The following PHF10 variants were observed in gnomAD, a reference collection of about 807,000 sequenced individuals.
PHF10 encodes PHD finger protein 10.
A neutral mutation model predicts 68.5 loss-of-function variants in PHF10; 51 were observed. That is an observed-to-expected ratio of 0.74 (90% CI 0.59 to 0.94). The LOEUF is 0.94. Ranked by LOEUF, PHF10 falls within the 40% of genes least tolerant of loss-of-function variation. The probability of loss-of-function intolerance (pLI) is 0.00; values close to 1 mark genes in which losing one functional copy is unlikely to be tolerated. For missense variants in PHF10, 460 were observed against 602.6 expected (o/e 0.76, Z 2.48); for synonymous variants, 204 against 203.5 (o/e 1.00, Z -0.02).
chr6:169,711,996 A>G (rs1301735120), intron 8 of PHF10, among the ~76,000 whole-genome samples: 2 of 152,208 alleles, frequency 1.3e-5, no homozygotes, highest in Non-Finnish European at 2.9e-5. Flanking sequence ...TAAACATAAT[A>G]TTTTCCTATA....
chr6:169,705,271 T>A lies in PHF10; in HGVS notation c.1273A>T (p.Thr425Ser). The part of the protein sequence containing the change: ...MTMELVSMIK[T>S]YPWQCMECKT... ...CATTCCATACACTGCCATGGGTAGG[T>A]CTTAATCATAGAAACAAGCTCCATT... The change falls in exon 11 of 12, where the codon ACC becomes TCC. Residue 425 changes from threonine (T) to serine (S), a missense_variant. Thr to Ser is a moderately conservative substitution (Grantham distance 58). Around this residue, in one of 3 missense-constraint regions of PHF10, gnomAD observed 111 missense variants for 109.7 expected, o/e 1.01. Transcript: ENST00000339209. The A allele has an allele frequency of 1.2e-6, 2 of 1,613,464 alleles. No homozygotes were observed. Among genetic ancestry groups the A allele is most frequent in the Non-Finnish European group, 1.7e-6 (2 of 1,179,574 alleles).
At chr6:169,716,153 C>T in intron 4 of PHF10, 65 bp from the exon 5 acceptor site, 1 of 1,150,208 alleles carries the variant, frequency 8.7e-7, no homozygotes, top group Non-Finnish European at 1.2e-6. Flanking sequence ...CAAAAGCACT[C>T]TTCAAAATTT....
chr6:169,710,472 T>C lies in PHF10; in HGVS notation c.958-81A>G. ...TGGATTTTGAAAACTATGGAAAATA[T>C]TCAAAGAAAGTTTTAAAGCTTTATC... On this transcript the variant is annotated intron_variant, in intron 8 of 11. Coordinates refer to ENST00000339209, the MANE Select transcript of PHF10 (RefSeq NM_018288.4). 6 of 991,868 alleles carry C rather than the reference T, an allele frequency of 6.0e-6. No individual in the cohort carries two copies. The South Asian group carries it at 8.5e-5, about 14-fold the overall frequency. The allele number at this position is 991,868 out of a possible 1,614,324, so 61.4% of individuals were successfully genotyped here.
chr6:169,722,751 C>A (rs1417876860), intron 1 of PHF10, among the ~76,000 whole-genome samples: 1 of 152,168 alleles, frequency 6.6e-6, no homozygotes, highest in Non-Finnish European at 1.5e-5. Context: ...CCCAAACATA[C>A]TAAATCAGAG....
chr6:169,712,542 G>C lies in PHF10; in HGVS notation c.804-3C>G. On this transcript the variant is annotated splice_region_variant and splice_polypyrimidine_tract_variant and intron_variant, in intron 7 of 11. Coordinates refer to ENST00000339209, the MANE Select transcript of PHF10 (RefSeq NM_018288.4). ...ACCGCAGCTCATCTGGTGAGTACCT[G>C]AAGTTCAGAGAGTTTATTTTTGGTT... 1.2e-6 allele frequency: 2 copies of C among 1,600,626 alleles called. No homozygotes were observed. Among genetic ancestry groups the C allele is most frequent in the South Asian group, 2.3e-5 (2 of 88,576 alleles).
chr6:169,709,405 C>G (rs186706307), intron 9 of PHF10: 6 of 152,280 alleles, frequency 3.9e-5, no homozygotes, highest in Non-Finnish European at 5.9e-5. Flanking sequence ...AAAAGGTAGT[C>G]TATTTTACTA....
chr6:169,705,368 C>A, intron 10 of PHF10, 47 bp from the exon 11 acceptor site: 1 of 1,302,888 alleles, frequency 7.7e-7, no homozygotes, highest in Non-Finnish European at 1.1e-6. Flanking sequence ...GAAATTTTAA[C>A]TTAATATGGC....
Position 169,720,518 on chromosome 6 carries a change from T to C in PHF10, c.194+487A>G, listed in dbSNP as rs143682756. On this transcript the variant is annotated intron_variant, in intron 2 of 11. Transcript: ENST00000339209. ...ATGCTACAAAGATGAACCTTGAAGA[T>C]ATTCAAAGTTCTAAGAGAAATAAGC... Among the ~76,000 whole-genome samples the C allele has an allele frequency of 2.3e-3, 349 of 152,328 alleles. 2 individuals are homozygous for C. Among genetic ancestry groups the C allele is most frequent in the African/African-American group, 7.9e-3 (329 of 41,560 alleles).
rs1241281525 is a variant in PHF10, at chr6:169,710,263, T to C, written c.1086A>G (p.Val362=). The C allele has an allele frequency of 2.5e-6, 4 of 1,612,558 alleles. No individual in the cohort carries two copies. The change falls in exon 9 of 12, where the codon GTA becomes GTG. Residue 362 remains valine, a synonymous_variant. Coordinates refer to ENST00000339209, the MANE Select transcript of PHF10 (RefSeq NM_018288.4). ...TGTACCCAGGAACTGACTTGGACAGTACAGAACGTTTGGGACCATCTTTTC... is the reference window on the plus strand; with the variant it reads ...TGTACCCAGGAACTGACTTGGACAGCACAGAACGTTTGGGACCATCTTTTC... ...TPRKDGPKRS[V]LSKSVPGYKP... is the part of the protein sequence containing the mutation.
Position 169,705,708 on chromosome 6 carries a change from T to C in PHF10, c.1130A>G (p.Asn377Ser), listed in dbSNP as rs757350691. 7 of 1,572,710 alleles carry C rather than the reference T, an allele frequency of 4.5e-6. No homozygotes were observed. The highest frequency in any genetic ancestry group is 6.1e-6 in the Non-Finnish European group (7 of 1,142,444). Residue 377 changes from asparagine (N) to serine (S), a missense_variant, in exon 10 of 12, where the codon AAT becomes AGT. This residue lies in a region of PHF10 where 256 missense variants were observed against 410.5 expected (regional missense o/e 0.62). Transcript: ENST00000339209. ...CTTCAGACAAATTCCACATATAGCATTTGGAATGACCTTTGGCTGGAAGGG... is the reference window on the plus strand; with the variant it reads ...CTTCAGACAAATTCCACATATAGCACTTGGAATGACCTTTGGCTGGAAGGG... ...VPGYKPKVIP[N>S]AICGICLKGK... is the part of the protein sequence containing the mutation.
At position 169,712,421 on chromosome 6, in the gene PHF10, G is replaced by T; in HGVS notation, c.922C>A (p.Arg308=). ...TTATTTTTCCGTTTCTCATCACCTC[G>T]ACCATCTTCGCCATCATCTGAATCA... is the stretch of plus-strand genomic sequence containing the variant. ...DGDSDDGEDG[R]GDEKRKNKGT... The change falls in exon 8 of 12, where the codon CGA becomes AGA. Residue 308 remains arginine (R), a synonymous_variant. Transcript: ENST00000339209. The T allele has an allele frequency of 1.9e-6, 3 of 1,613,920 alleles. No individual in the cohort carries two copies. The highest frequency in any genetic ancestry group is 2.5e-6 in the Non-Finnish European group (3 of 1,179,930).
chr6:169,712,496 G>A lies in PHF10; in HGVS notation c.847C>T (p.Leu283=), dbSNP rs1343972665. ...TCAGGATCCAGAGGGGGCTCATACA[G>A]GGCTGTGTTTAATGGCAGATACCGC... ...ELRYLPLNTA[L]YEPPLDPELP... Residue 283 remains leucine, a synonymous_variant, in exon 8 of 12, where the codon CTG becomes TTG. Coordinates refer to ENST00000339209, the MANE Select transcript of PHF10 (RefSeq NM_018288.4). 1.2e-6 allele frequency: 2 copies of A among 1,613,878 alleles called. No homozygotes were observed. Among genetic ancestry groups the A allele is most frequent in the East Asian group, 2.2e-5 (1 of 44,878 alleles).
At chr6:169,711,284 A>C (rs1196723956) in intron 8 of PHF10, among the ~76,000 whole-genome samples, 5 of 152,182 alleles carry the variant, frequency 3.3e-5, no homozygotes. Context: ...ATTTTCTCAC[A>C]ATCATTAAAT....
intron 2 of PHF10, among the ~76,000 whole-genome samples, chr6:169,720,389 G>A (rs2128331300): frequency 6.6e-6 from 1 of 152,218 alleles, no homozygotes; most frequent in African/African-American, 2.4e-5. Context: ...TGGCCAGAAG[G>A]TGGAAACCCA....
chr6:169,704,055 G>T lies in PHF10; in HGVS notation c.1445C>A (p.Pro482His). ...RWICDCCQRA[P>H]PTPRKVGRRG... ...TCTGCCCACTTTCCTGGGTGTTGGG[G>T]GGGCCCGCTGACAACAGTCACAAAT... Residue 482 changes from proline (P) to histidine (H), a missense_variant, in exon 12 of 12, where the codon CCC (proline) becomes CAC (histidine). Physicochemically the swap from Pro to His is moderately conservative, Grantham distance 77. Transcript: ENST00000339209. 1 of 1,583,718 alleles carries T rather than the reference G, an allele frequency of 6.3e-7. No individual in the cohort carries two copies. The highest frequency in any genetic ancestry group is 2.3e-5 in the East Asian group (1 of 43,996).
In PHF10 at chr6:169,723,989, CGCCGCCGCT is replaced by C. The variant is rs1416301203; in HGVS notation, c.-67_-59del. 26 of 452,306 alleles carry C rather than the reference CGCCGCCGCT, an allele frequency of 5.7e-5. No individual in the cohort carries two copies. The South Asian group carries it at 6.1e-4, about 11-fold the overall frequency. The allele number at this position is 452,306 out of a possible 1,614,324, so 28.0% of individuals were successfully genotyped here. ...GTCGCCTCCGCCTTGTCCCGGCCGC[CGCCGCCGCT>C]GCCGCCGCCGCCGCCGCCGCCGCCG... On this transcript the variant is annotated 5_prime_UTR_variant, in exon 1 of 12. Coordinates refer to ENST00000339209, the MANE Select transcript of PHF10 (RefSeq NM_018288.4).
At position 169,712,558 on chromosome 6, in the gene PHF10, A is replaced by G; in HGVS notation, c.804-19T>C. 6.3e-7 allele frequency: 1 copy of G among 1,593,496 alleles called. No homozygotes were observed. Among genetic ancestry groups the G allele is most frequent in the African/African-American group, 1.4e-5 (1 of 73,506 alleles). Reference sequence around the variant, plus strand: ...TGAGTACCTGAAGTTCAGAGAGTTTATTTTTGGTTTCCCTTTATTATTAAA... The same window carrying G: ...TGAGTACCTGAAGTTCAGAGAGTTTGTTTTTGGTTTCCCTTTATTATTAAA... On this transcript the variant is annotated intron_variant, in intron 7 of 11. Transcript: ENST00000339209.
At position 169,712,624 on chromosome 6, in the gene PHF10, ACTT is replaced by A; in HGVS notation, c.804-88_804-86del. Reference sequence around the variant, plus strand: ...CTTTGACCTATGAAGATAGCCTTAAACTTCTTGAGTAACCCCGAAGACTTTTGA... The same window carrying A: ...CTTTGACCTATGAAGATAGCCTTAAACTTGAGTAACCCCGAAGACTTTTGA... On this transcript the variant is annotated intron_variant, in intron 7 of 11. Coordinates refer to ENST00000339209, the MANE Select transcript of PHF10 (RefSeq NM_018288.4). 13 of 1,146,190 alleles carry A rather than the reference ACTT, an allele frequency of 1.1e-5. 1 individual carries two copies. In the South Asian group the frequency reaches 2.1e-4, roughly 18 times the overall value. 71.0% of individuals were successfully genotyped at this position (1,146,190 alleles called of 1,614,324 possible).
intron 8 of PHF10, 117 bp downstream of exon 8, chr6:169,712,269 C>A: frequency 1.1e-6 from 1 of 918,508 alleles, no homozygotes; most frequent in Non-Finnish European, 1.7e-6. Flanking sequence ...TTGATGAATA[C>A]TTTCTGGAAA....
Sources: allele counts gnomAD v4.1 joint callset (sites outside exome capture counted in the v4.1 genomes callset), GRCh38; gene constraint gnomAD v4.1.1; regional missense constraint gnomAD v4.1.1; transcripts MANE v1.5; gene names NCBI Gene and HGNC (gene_info 2026-07-23, HGNC 2026-07-21).